TSHZ2: variants seen among roughly 807,000 people sequenced by gnomAD.
TSHZ2 encodes teashirt homolog 2.
In TSHZ2, 21 loss-of-function variants were observed where a neutral mutation model predicts 74.4. That is an observed-to-expected ratio of 0.28 (90% confidence interval 0.20 to 0.41). The LOEUF is 0.41. Ranked by LOEUF, TSHZ2 falls within the 10% of genes least tolerant of loss-of-function variation. The pLI is 1.00. For synonymous variants in TSHZ2, 540 were observed against 515.3 expected, an observed-to-expected ratio of 1.05 and a Z score of -0.65; for missense variants, 1,244 against 1,293.5, an observed-to-expected ratio of 0.96 and a Z score of 0.59.
chr20:53,223,934 C>G (rs1321971815), intron 1 of TSHZ2, among the ~76,000 whole-genome samples: 6 of 147,966 alleles, frequency 4.1e-5, no homozygotes, highest in Non-Finnish European at 9.0e-5. Context: ...CACACACACC[C>G]CTAAGTTTAG....
At chr20:53,294,659 A>C (rs529034380) in intron 2 of TSHZ2, among the ~76,000 whole-genome samples, 104 of 152,326 alleles carry the variant, frequency 6.8e-4, no homozygotes, top group Admixed American at 1.4e-3. Flanking sequence ...CCATTTAAAA[A>C]GCATTTAATT....
intron 1 of TSHZ2, among the ~76,000 whole-genome samples, chr20:53,082,157 A>G (rs1446983159): frequency 6.6e-6 from 1 of 152,126 alleles, no homozygotes; most frequent in Non-Finnish European, 1.5e-5. Flanking sequence ...AAAAATAAAC[A>G]TTTTCCAGAA....
At chr20:53,345,300 A>T (rs1600821597) in intron 2 of TSHZ2, among the ~76,000 whole-genome samples, 2 of 152,230 alleles carry the variant, frequency 1.3e-5, no homozygotes, top group East Asian at 3.9e-4. Flanking sequence ...CTCACAAGGC[A>T]GTCACTGGAA....
intron 1 of TSHZ2, among the ~76,000 whole-genome samples, chr20:53,106,706 TG>T (rs375590432): frequency 0.061 from 6,701 of 109,590 alleles, 487 homozygotes; most frequent in African/African-American, 0.17. Flanking sequence ...CATTTTTTTT[TG>T]TTTTTTTTTT....
At chr20:53,463,439 G>GAAGA (rs1184885442) in intron 2 of TSHZ2, among the ~76,000 whole-genome samples, 39 of 141,904 alleles carry the variant, frequency 2.7e-4, no homozygotes, top group Admixed American at 1.3e-3. Flanking sequence ...AGGAAGGAGG[G>GAAGA]AGGGAGGGAA....
At chr20:53,425,588 G>A (rs549249086) in intron 2 of TSHZ2, among the ~76,000 whole-genome samples, 1 of 152,190 alleles carries the variant, frequency 6.6e-6, no homozygotes. Context: ...TAAAACAGAG[G>A]TAGGCAAACT....
chr20:53,023,574 A>C (rs1188763121), intron 1 of TSHZ2, among the ~76,000 whole-genome samples: 1 of 152,068 alleles, frequency 6.6e-6, no homozygotes, highest in African/African-American at 2.4e-5. Context: ...TGAAGCCATC[A>C]TAGTTCAAGT....
chr20:53,248,132 G>A (rs938549669), intron 1 of TSHZ2, among the ~76,000 whole-genome samples: 9 of 152,104 alleles, frequency 5.9e-5, no homozygotes, highest in East Asian at 1.9e-4. Context: ...GGGCAGTGGC[G>A]TGATCACAGC....
At chr20:53,409,061 T>C (rs895346561) in intron 2 of TSHZ2, among the ~76,000 whole-genome samples, 4 of 152,146 alleles carry the variant, frequency 2.6e-5, no homozygotes, top group African/African-American at 9.7e-5. Flanking sequence ...TTACAACAAA[T>C]AAAACATTTT....
chr20:53,417,310 G>A (rs1158595211), intron 2 of TSHZ2, among the ~76,000 whole-genome samples: 1 of 141,600 alleles, frequency 7.1e-6, no homozygotes, highest in South Asian at 2.2e-4. Context: ...TGTTTGTTTT[G>A]TTTTGAGAAG....
chr20:53,234,617 C>T (rs894331145), intron 1 of TSHZ2, among the ~76,000 whole-genome samples: 1 of 152,048 alleles, frequency 6.6e-6, no homozygotes, highest in African/African-American at 2.4e-5. Flanking sequence ...GAGTAAAGTG[C>T]CATCAGGAAA....
intron 2 of TSHZ2, among the ~76,000 whole-genome samples, chr20:53,385,036 G>A (rs899640199): frequency 1.3e-5 from 2 of 152,136 alleles, no homozygotes; most frequent in African/African-American, 4.8e-5. Flanking sequence ...CAGGAGAATG[G>A]CGTGAACCCG....
chr20:53,100,367 G>T (rs1015475448), intron 1 of TSHZ2, among the ~76,000 whole-genome samples: 1 of 152,100 alleles, frequency 6.6e-6, no homozygotes, highest in Non-Finnish European at 1.5e-5. Context: ...TAAACCCCTC[G>T]TTGGCTGTGG....
intron 2 of TSHZ2, among the ~76,000 whole-genome samples, chr20:53,267,032 C>A (rs1990735037): frequency 6.6e-6 from 1 of 152,184 alleles, no homozygotes; most frequent in African/African-American, 2.4e-5. Flanking sequence ...CCTGCCTCAG[C>A]CTCCCAAAGT....
chr20:53,117,698 G>T (rs1986707977), intron 1 of TSHZ2, among the ~76,000 whole-genome samples: 1 of 152,206 alleles, frequency 6.6e-6, no homozygotes, highest in Admixed American at 6.5e-5. Context: ...CTTAGTTAAT[G>T]GCATTGATCA....
intron 1 of TSHZ2, among the ~76,000 whole-genome samples, chr20:52,977,086 C>T (rs6022195): frequency 0.096 from 14,666 of 152,172 alleles, 852 homozygotes; most frequent in African/African-American, 0.15. Flanking sequence ...ACAGGGACAA[C>T]TCTGAACACT....
intron 2 of TSHZ2, among the ~76,000 whole-genome samples, chr20:53,323,166 G>A (rs1477623189): frequency 6.6e-6 from 1 of 152,226 alleles, no homozygotes; most frequent in East Asian, 1.9e-4. Context: ...TGTCAGTGCT[G>A]TGAGTCCAGG....
chr20:53,285,098 A>C (rs1203745968), intron 2 of TSHZ2, among the ~76,000 whole-genome samples: 1 of 152,172 alleles, frequency 6.6e-6, no homozygotes, highest in Non-Finnish European at 1.5e-5. Flanking sequence ...CACTGTGCTG[A>C]GTGGGGAAGT....
At chr20:53,167,185 T>C (rs1988083277) in intron 1 of TSHZ2, among the ~76,000 whole-genome samples, 2 of 152,236 alleles carry the variant, frequency 1.3e-5, no homozygotes, top group South Asian at 4.1e-4. Context: ...AGTGGGAAGA[T>C]GAATGTAGAG....
Sources: allele counts gnomAD v4.1 joint callset (sites outside exome capture counted in the v4.1 genomes callset), GRCh38; gene constraint gnomAD v4.1.1; transcripts MANE v1.5; gene names NCBI Gene and HGNC (gene_info 2026-07-23, HGNC 2026-07-21).